The following GPS1 variants were observed in gnomAD, a reference collection of about 807,000 sequenced individuals.
GPS1 encodes the protein G protein pathway suppressor 1.
A neutral mutation model predicts 60.0 loss-of-function variants in GPS1; 11 were observed. The observed-to-expected ratio is 0.18, with a 90% confidence interval of 0.12 to 0.30. The LOEUF (loss-of-function observed/expected upper bound fraction) is 0.30, where lower values mean the gene tolerates loss of function less well. Among genes scored for constraint, GPS1 ranks in the 10% least tolerant of loss-of-function variants. The probability of loss-of-function intolerance (pLI) is 1.00; values close to 1 mark genes in which losing one functional copy is unlikely to be tolerated. For synonymous variants in GPS1, 343 were observed against 269.8 expected (o/e 1.27, Z -2.66); for missense variants, 543 against 669.2 (o/e 0.81, Z 2.08).
intron 5 of GPS1, 93 bp downstream of exon 5, chr17:82,055,068 G>A (rs775926605): frequency 1.9e-6 from 3 of 1,583,602 alleles, no homozygotes; most frequent in African/African-American, 1.3e-5. Flanking sequence ...CCCCAGATCT[G>A]AATCTGCCTT....
chr17:82,054,391 G>C, intron 3 of GPS1, 119 bp from the exon 4 acceptor site: 1 of 1,306,524 alleles, frequency 7.7e-7, no homozygotes, highest in Non-Finnish European at 1.0e-6. Flanking sequence ...TGAGGCCAGC[G>C]GGAGGTGCCC....
upstream of GPS1, chr17:82,051,547 G>T: frequency 1.4e-6 from 2 of 1,399,310 alleles, no homozygotes; most frequent in East Asian, 3.2e-5. The surrounding 1 kb of genome is among the most constrained non-coding windows in gnomAD (Gnocchi z 4.1). Flanking sequence ...AGCCGCAGGC[G>T]CGGCCCGTGG....
Position 82,053,802 on chromosome 17 carries a change from C to T in GPS1, c.127-66C>T. The T allele has an allele frequency of 2.0e-6, 3 of 1,499,360 alleles. No individual in the cohort carries two copies. In the South Asian group the frequency reaches 3.7e-5, roughly 18 times the overall value. The allele number at this position is 1,499,360 out of a possible 1,614,324, so 92.9% of individuals were successfully genotyped here. A position where few individuals can be genotyped will look rare whatever the true frequency, so the allele number is the denominator to read the frequency against. On this transcript the variant is annotated intron_variant, in intron 2 of 12. Transcript: ENST00000578552. ...GGACAGTCAGGCCCCAACTCCTGAC[C>T]CTCAGGGCCTGGGGCCAGGGTCCTG... is the stretch of plus-strand genomic sequence containing the variant.
At chr17:82,055,699 AC>A in intron 6 of GPS1, 40 bp from the exon 7 acceptor site, 1 of 1,017,794 alleles carries the variant, frequency 9.8e-7, no homozygotes, top group Non-Finnish European at 1.5e-6. Context: ...CTGGGGTCTT[AC>A]CCCCTCTCCC....
At chr17:82,051,768 C>T (rs1179410827), upstream of GPS1, 3 of 1,099,862 alleles carry the variant, frequency 2.7e-6, no homozygotes, top group Non-Finnish European at 2.2e-6. The surrounding 1 kb of genome is among the most constrained non-coding windows in gnomAD (Gnocchi z 4.1). Context: ...GCGGCTCATG[C>T]GGCCGCCGGG....
intron 8 of GPS1, 69 bp from the exon 9 acceptor site, chr17:82,056,217 G>A: frequency 1.5e-6 from 2 of 1,357,160 alleles, no homozygotes; most frequent in East Asian, 2.3e-5. Flanking sequence ...TCTGGGGACT[G>A]GTGTCCCACT....
Position 82,057,261 on chromosome 17 carries a change from C to T in GPS1, c.*134C>T. On this transcript the variant is annotated 3_prime_UTR_variant, in exon 13 of 13. Coordinates refer to ENST00000578552, the MANE Select transcript of GPS1 (RefSeq NM_001321092.3). Reference sequence around the variant, plus strand: ...CTGGGTGCCACCCAGCCTGTGTGCCCTCCCTGGGGCTGAGGAGGCAGGCGG... The same window carrying T: ...CTGGGTGCCACCCAGCCTGTGTGCCTTCCCTGGGGCTGAGGAGGCAGGCGG... 8.6e-7 allele frequency: 1 copy of T among 1,165,156 alleles called. No individual in the cohort carries two copies. Among genetic ancestry groups the T allele is most frequent in the Non-Finnish European group, 1.3e-6 (1 of 791,944 alleles). The allele number at this position is 1,165,156 out of a possible 1,614,324, so 72.2% of individuals were successfully genotyped here.
In GPS1 at chr17:82,053,943, C is replaced by G. The variant is rs765912575; in HGVS notation, c.202C>G (p.Pro68Ala). The G allele has an allele frequency of 1.2e-6, 2 of 1,612,962 alleles. No homozygotes were observed. The highest frequency in any genetic ancestry group is 4.5e-5 in the East Asian group (2 of 44,882). ...GCTGCAGTTCATTGCTGATCACTGC[C>G]CCACGCTGCGGGTGGAGGCCCTGAA... is the stretch of plus-strand genomic sequence containing the variant. ...ERLQFIADHC[P>A]TLRVEALKMA... The change falls in exon 3 of 13, where the codon CCC becomes GCC. Residue 68 changes from proline to alanine, a missense_variant. Physicochemically the swap from Pro to Ala is conservative, Grantham distance 27. This residue lies in a region of GPS1 where 181 missense variants were observed against 188.8 expected (regional missense o/e 0.96). Transcript: ENST00000578552.
chr17:82,054,532 G>T lies in GPS1; in HGVS notation c.331G>T (p.Ala111Ser). The T allele has an allele frequency of 6.4e-7, 1 of 1,555,890 alleles. No homozygotes were observed. Among genetic ancestry groups the T allele is most frequent in the Admixed American group, 1.8e-5 (1 of 54,764 alleles). Residue 111 changes from alanine to serine, a missense_variant, in exon 4 of 13, where the codon GCC (alanine) becomes TCC (serine). Around this residue, in one of 3 missense-constraint regions of GPS1, gnomAD observed 181 missense variants for 188.8 expected, o/e 0.96. Transcript: ENST00000578552. ...CAGGGAGCTGCAGAACGCACCCGACGCCATCCCTGAGAGCGGCGTGGAGCC... is the reference window on the plus strand; with the variant it reads ...CAGGGAGCTGCAGAACGCACCCGACTCCATCCCTGAGAGCGGCGTGGAGCC... The part of the protein sequence containing the change: ...ATRELQNAPD[A>S]IPESGVEPPA...
At chr17:82,051,310 C>A, upstream of GPS1, 1 of 1,436,146 alleles carries the variant, frequency 7.0e-7, no homozygotes. The surrounding 1 kb of genome is among the most constrained non-coding windows in gnomAD (Gnocchi z 4.1). Context: ...GGAGCTCGAG[C>A]TCAGGGTCGT....
chr17:82,052,061 AGT>A (rs1463192312), intron 1 of GPS1, 97 bp downstream of exon 1: 4 of 972,132 alleles, frequency 4.1e-6, no homozygotes, highest in South Asian at 9.7e-5. Context: ...CTGCGCCAGG[AGT>A]CGGTCGGGCA....
Position 82,057,200 on chromosome 17 carries a change from C to G in GPS1, c.*73C>G, listed in dbSNP as rs773990493. ...ACGGACCTCGGACCTCCAGGCGGCT[C>G]AGTGCTGCCTGCGGCCCAGCTAAGG... On this transcript the variant is annotated 3_prime_UTR_variant, in exon 13 of 13. Coordinates refer to ENST00000578552, the MANE Select transcript of GPS1 (RefSeq NM_001321092.3). 1 of 1,571,610 alleles carries G rather than the reference C, an allele frequency of 6.4e-7. No homozygotes were observed. The highest frequency in any genetic ancestry group is 1.7e-5 in the Admixed American group (1 of 57,716).
intron 6 of GPS1, chr17:82,055,530 C>T (rs1429931538): frequency 3.3e-6 from 2 of 607,194 alleles, no homozygotes; most frequent in Non-Finnish European, 5.8e-6. Context: ...GCATGCCTGG[C>T]TTCAGGGAGC....
At chr17:82,051,040 G>A (rs1435041904), upstream of GPS1, 4 of 1,391,220 alleles carry the variant, frequency 2.9e-6, no homozygotes, top group Non-Finnish European at 2.8e-6. This position sits in a 1 kb window ranked among gnomAD's most constrained non-coding sequence, Gnocchi z 4.1. Flanking sequence ...TTCCCTGCTG[G>A]CGCTTCTTCA....
chr17:82,053,584 T>G (rs2031657932), intron 2 of GPS1: 2 of 516,850 alleles, frequency 3.9e-6, no homozygotes, highest in Middle Eastern at 4.9e-4. Context: ...AGGGCAGGTC[T>G]CCTCCCCGCT....
upstream of GPS1, chr17:82,051,054 G>A (rs778458271): frequency 1.6e-5 from 22 of 1,387,230 alleles, no homozygotes; most frequent in South Asian, 3.5e-5. The surrounding 1 kb of genome is among the most constrained non-coding windows in gnomAD (Gnocchi z 4.1). Flanking sequence ...TTCTTCAGGG[G>A]ACGTGGCACT....
At chr17:82,052,366 C>T (rs1470354115) in intron 1 of GPS1, 2 of 1,612,618 alleles carry the variant, frequency 1.2e-6, no homozygotes. Flanking sequence ...TGTACTGCAC[C>T]CCTCACAGCA....
Position 82,056,557 on chromosome 17 carries a change from G to T in GPS1, c.1116+7G>T. ...CAACCGTGCCCTCATCCAGGTAAGC[G>T]TGGGGGTCAGGCTGGCACACGGCAG... On this transcript the variant is annotated splice_region_variant and intron_variant, in intron 10 of 12. Transcript: ENST00000578552. The T allele has an allele frequency of 6.2e-7, 1 of 1,612,754 alleles. No homozygotes were observed.
chr17:82,054,862 C>T (rs370601543), intron 4 of GPS1, 36 bp from the exon 5 acceptor site: 86 of 1,567,530 alleles, frequency 5.5e-5, no homozygotes, highest in Admixed American at 1.6e-4. Flanking sequence ...GCCATTGGGG[C>T]GCCCGGGCTC....
Sources: allele counts gnomAD v4.1 joint callset, GRCh38; gene constraint gnomAD v4.1.1; regional missense constraint gnomAD v4.1.1; non-coding constraint Gnocchi (gnomAD v3.1); transcripts MANE v1.5; gene names NCBI Gene and HGNC (gene_info 2026-07-23, HGNC 2026-07-21).